Variants in NRXN3 observed in about 807,000 individuals in gnomAD.
The protein encoded by NRXN3 is neurexin III.
A neutral mutation model predicts 137.6 loss-of-function variants in NRXN3; 32 were observed. The ratio of observed to expected loss-of-function variants is 0.23; its 90% CI spans 0.18 to 0.31. The LOEUF (loss-of-function observed/expected upper bound fraction) is 0.31, where lower values mean the gene tolerates loss of function less well. NRXN3 is among the 10% of genes least tolerant of loss of function. The probability of loss-of-function intolerance (pLI) is 1.00; values close to 1 mark genes in which losing one functional copy is unlikely to be tolerated. For missense variants in NRXN3, 1,574 were observed against 2,062.5 expected, an observed-to-expected ratio of 0.76 and a Z score of 4.59; for synonymous variants, 798 against 784.5, an observed-to-expected ratio of 1.02 and a Z score of -0.29.
intron 15 of NRXN3, among the ~76,000 whole-genome samples, chr14:79,242,090 A>AAAAC (rs2153347877): frequency 6.6e-6 from 1 of 152,150 alleles, no homozygotes; most frequent in South Asian, 2.1e-4. Context: ...TTAAATGCTC[A>AAAAC]AAACAACCCT....
chr14:78,648,081 A>G (rs2097704419), intron 5 of NRXN3, among the ~76,000 whole-genome samples: 1 of 152,200 alleles, frequency 6.6e-6, no homozygotes, highest in Non-Finnish European at 1.5e-5. Context: ...TTTTGCCTTT[A>G]AGCCAGGTCA....
At chr14:79,376,009 AATATAC>A (rs1186833051) in intron 15 of NRXN3, among the ~76,000 whole-genome samples, 1 of 148,270 alleles carries the variant, frequency 6.7e-6, no homozygotes, top group Non-Finnish European at 1.5e-5. Context: ...TGTATATAAT[AATATAC>A]ATATATGTAT....
At chr14:79,175,141 C>T (rs559769506) in intron 15 of NRXN3, among the ~76,000 whole-genome samples, 13 of 152,058 alleles carry the variant, frequency 8.5e-5, no homozygotes, top group Non-Finnish European at 1.3e-4. Flanking sequence ...CCACCATATG[C>T]GGCTAATTTT....
At chr14:79,711,338 G>A (rs1270776393) in intron 19 of NRXN3, among the ~76,000 whole-genome samples, 1 of 152,080 alleles carries the variant, frequency 6.6e-6, no homozygotes, top group Non-Finnish European at 1.5e-5. Flanking sequence ...AAAGCTCTAC[G>A]TCCAGGGGCA....
In NRXN3 at chr14:79,364,912, A is replaced by C. The variant is rs183527043; in HGVS notation, c.3263-102309A>C. 1.9e-3 allele frequency among the ~76,000 whole-genome samples: 289 copies of C among 152,234 alleles called. 1 individual carries two copies. Among genetic ancestry groups the C allele is most frequent in the African/African-American group, 6.5e-3 (271 of 41,536 alleles). On this transcript the variant is annotated intron_variant, in intron 15 of 20. Transcript: ENST00000335750. ...TGAGTGCCCCTACTTACTATTCAAA[A>C]ATCCCCAAAACCAGCACTCTTCTAT...
intron 15 of NRXN3, among the ~76,000 whole-genome samples, chr14:79,375,518 G>C (rs568888513): frequency 6.6e-6 from 1 of 151,976 alleles, no homozygotes; most frequent in Non-Finnish European, 1.5e-5. Context: ...GGAGGAACAC[G>C]TGTCTCTTTC....
chr14:79,321,528 T>C (rs1214044072), intron 15 of NRXN3, among the ~76,000 whole-genome samples: 1 of 152,132 alleles, frequency 6.6e-6, no homozygotes, highest in Non-Finnish European at 1.5e-5. Flanking sequence ...GTACTAAGAA[T>C]GCTGGAACAA....
chr14:79,352,197 A>G (rs1400393412), intron 15 of NRXN3, among the ~76,000 whole-genome samples: 1 of 152,100 alleles, frequency 6.6e-6, no homozygotes, highest in Non-Finnish European at 1.5e-5. Flanking sequence ...TCTGTTTCAC[A>G]TCAATCATAT....
chr14:79,864,141 G>T lies in NRXN3; in HGVS notation c.*2177G>T, dbSNP rs1197093774. The T allele has an allele frequency of 1.3e-5, 2 of 152,474 alleles. No individual in the cohort carries two copies. The highest frequency in any genetic ancestry group is 2.9e-5 in the Non-Finnish European group (2 of 68,004). 9.4% of individuals were successfully genotyped at this position (152,474 alleles called of 1,614,324 possible). A position where few individuals can be genotyped will look rare whatever the true frequency, so the allele number is the denominator to read the frequency against. ...AAGATTGCTGTTCTTGGAGTCTTGAGGTCTTGTGAATTGATTTCCTGCTTT... is the reference window on the plus strand; with the variant it reads ...AAGATTGCTGTTCTTGGAGTCTTGATGTCTTGTGAATTGATTTCCTGCTTT... On this transcript the variant is annotated 3_prime_UTR_variant, in exon 21 of 21. Transcript: ENST00000335750.
chr14:79,059,250 C>CTTTTTTTTTTTTTTTTTTTTTTTT lies in NRXN3; in HGVS notation c.3262+71111_3262+71134dup, dbSNP rs869266975. 1.4e-3 allele frequency among the ~76,000 whole-genome samples: 108 copies of CTTTTTTTTTTTTTTTTTTTTTTTT among 78,276 alleles called. 4 individuals are homozygous for CTTTTTTTTTTTTTTTTTTTTTTTT. Among genetic ancestry groups the CTTTTTTTTTTTTTTTTTTTTTTTT allele is most frequent in the Non-Finnish European group, 2.2e-3 (89 of 40,672 alleles). 51.4% of individuals were successfully genotyped at this position (78,276 alleles called of 152,430 possible). On this transcript the variant is annotated intron_variant, in intron 15 of 20. Transcript: ENST00000335750. ...AAGAAGGCTGCCTTCAGGCCCTATT[C>CTTTTTTTTTTTTTTTTTTTTTTTT]TTTTTTTTTTTTTTTTTTTTTTTTT...
At chr14:79,618,465 A>C in intron 16 of NRXN3, among the ~76,000 whole-genome samples, 1 of 152,022 alleles carries the variant, frequency 6.6e-6, no homozygotes, top group Non-Finnish European at 1.5e-5. Flanking sequence ...TCCTACATCA[A>C]TTCACTTAGG....
intron 15 of NRXN3, among the ~76,000 whole-genome samples, chr14:79,394,634 G>A (rs1231430279): frequency 1.3e-5 from 2 of 152,128 alleles, no homozygotes; most frequent in Non-Finnish European, 2.9e-5. Flanking sequence ...CCTACACCAG[G>A]TGAATTAAAT....
intron 4 of NRXN3, among the ~76,000 whole-genome samples, chr14:78,482,699 A>C (rs2095493419): frequency 6.6e-6 from 1 of 152,238 alleles, no homozygotes; most frequent in Admixed American, 6.5e-5. Flanking sequence ...AAGAATAGAC[A>C]ATACGACTAC....
At chr14:78,534,273 C>T (rs2096508122) in intron 4 of NRXN3, among the ~76,000 whole-genome samples, 1 of 151,960 alleles carries the variant, frequency 6.6e-6, no homozygotes, top group Admixed American at 6.6e-5. Flanking sequence ...TATTTTATAT[C>T]AAAACTGAGA....
At chr14:78,716,281 A>T (rs2098433525) in intron 8 of NRXN3, among the ~76,000 whole-genome samples, 1 of 152,154 alleles carries the variant, frequency 6.6e-6, no homozygotes, top group Non-Finnish European at 1.5e-5. Flanking sequence ...CTATTTTTTT[A>T]TATGCCAAGC....
At position 79,717,912 on chromosome 14, in the gene NRXN3, T is replaced by G. The variant is rs568422893; in HGVS notation, c.4014+19975T>G. ...CGCATTCATTCCACAAACATTTTTT[T>G]GGGAGAGCAGGGTGATTCCTGCTAT... On this transcript the variant is annotated intron_variant, in intron 19 of 20. Transcript: ENST00000335750. Among the ~76,000 whole-genome samples, 3 of 152,286 alleles carry G rather than the reference T, an allele frequency of 2.0e-5. 1 individual carries two copies. In the East Asian group the frequency reaches 5.8e-4, roughly 29 times the overall value.
intron 15 of NRXN3, among the ~76,000 whole-genome samples, chr14:79,226,761 A>G (rs17108972): frequency 0.02 from 2,945 of 150,958 alleles, 100 homozygotes; most frequent in African/African-American, 0.068. Context: ...TAGTTTTCCA[A>G]TGCAGATTTC....
chr14:78,308,808 A>T (rs2077634375), intron 4 of NRXN3, among the ~76,000 whole-genome samples: 1 of 152,112 alleles, frequency 6.6e-6, no homozygotes, highest in Non-Finnish European at 1.5e-5. Context: ...AGAAATATAG[A>T]AAAGTCTCTC....
chr14:79,316,300 T>G (rs2088655001), intron 15 of NRXN3, among the ~76,000 whole-genome samples: 1 of 152,234 alleles, frequency 6.6e-6, no homozygotes, highest in Non-Finnish European at 1.5e-5. Context: ...AAGAATGTAC[T>G]TAGAACAGGG....
Sources: allele counts gnomAD v4.1 joint callset (sites outside exome capture counted in the v4.1 genomes callset), GRCh38; gene constraint gnomAD v4.1.1; transcripts MANE v1.5; gene names NCBI Gene and HGNC (gene_info 2026-07-23, HGNC 2026-07-21).